The following C12orf56 variants were observed in gnomAD, a reference collection of about 807,000 sequenced individuals.
C12orf56 encodes chromosome 12 open reading frame 56.
Under a neutral mutation model 69.9 loss-of-function variants are expected in C12orf56, and 71 were observed. The ratio of observed to expected loss-of-function variants is 1.02; its 90% CI spans 0.84 to 1.24. The LOEUF is 1.24. Among genes scored for constraint, C12orf56 ranks in the 50% most tolerant of loss-of-function variants. The pLI, the probability that C12orf56 is intolerant of heterozygous loss-of-function variation, is 0.00. For synonymous variants in C12orf56, 276 were observed against 274.1 expected, an observed-to-expected ratio of 1.01 and a Z score of -0.07; for missense variants, 732 against 738.5, an observed-to-expected ratio of 0.99 and a Z score of 0.10.
At chr12:64,362,543 C>T (rs1228760720) in intron 1 of C12orf56, among the ~76,000 whole-genome samples, 2 of 152,008 alleles carry the variant, frequency 1.3e-5, no homozygotes, top group African/African-American at 4.8e-5. Flanking sequence ...AACACAAAAA[C>T]TAGCAAGGCA....
chr12:64,338,780 T>A, intron 2 of C12orf56: 1 of 1,348,682 alleles, frequency 7.4e-7, no homozygotes, highest in Non-Finnish European at 1.1e-6. Context: ...CATGTCAGCA[T>A]TGCTGAGAGC....
intron 1 of C12orf56, among the ~76,000 whole-genome samples, chr12:64,382,795 C>A (rs1357142631): frequency 6.6e-6 from 1 of 151,538 alleles, no homozygotes. Flanking sequence ...ATGGTGTGAA[C>A]CCGGGAGGCG....
At chr12:64,318,222 G>A (rs77584587) in intron 4 of C12orf56, among the ~76,000 whole-genome samples, 7 of 152,048 alleles carry the variant, frequency 4.6e-5, no homozygotes, top group East Asian at 3.9e-4. Flanking sequence ...CACCACATCC[G>A]GCTAATTTTT....
intron 6 of C12orf56, among the ~76,000 whole-genome samples, chr12:64,301,445 C>T (rs1177123579): frequency 2.0e-5 from 3 of 152,136 alleles, no homozygotes; most frequent in Non-Finnish European, 4.4e-5. Flanking sequence ...CCCAAACCTC[C>T]GTGATTTAGC....
At chr12:64,366,003 A>G (rs2039470054) in intron 1 of C12orf56, among the ~76,000 whole-genome samples, 1 of 127,248 alleles carries the variant, frequency 7.9e-6, no homozygotes, top group African/African-American at 3.1e-5. Context: ...AGTTTATATT[A>G]TTATATATAA....
intron 3 of C12orf56, among the ~76,000 whole-genome samples, chr12:64,327,153 C>T (rs565568468): frequency 6.6e-6 from 1 of 152,130 alleles, no homozygotes; most frequent in Non-Finnish European, 1.5e-5. Flanking sequence ...AACTCCTTGA[C>T]CTTGGCCTTC....
At chr12:64,371,095 G>A (rs1444755942) in intron 1 of C12orf56, among the ~76,000 whole-genome samples, 1 of 152,124 alleles carries the variant, frequency 6.6e-6, no homozygotes, top group Non-Finnish European at 1.5e-5. Context: ...TACACAACAA[G>A]GATATGTTGG....
intron 3 of C12orf56, among the ~76,000 whole-genome samples, chr12:64,322,959 G>A (rs553117179): frequency 5.9e-5 from 9 of 152,208 alleles, no homozygotes; most frequent in South Asian, 4.2e-4. Context: ...CTGATTTGTC[G>A]GCTGTGGTGA....
intron 6 of C12orf56, among the ~76,000 whole-genome samples, chr12:64,300,250 G>A (rs1032831088): frequency 2.6e-5 from 4 of 152,108 alleles, no homozygotes; most frequent in East Asian, 3.8e-4. Flanking sequence ...TACATGGCTC[G>A]ATCTTGTAGA....
intron 2 of C12orf56, chr12:64,338,382 C>A: frequency 4.4e-6 from 3 of 685,696 alleles, no homozygotes; most frequent in Non-Finnish European, 8.4e-6. Flanking sequence ...ACCTCCTGGT[C>A]AATTTGGACA....
chr12:64,367,794 G>A (rs548746375), intron 1 of C12orf56, among the ~76,000 whole-genome samples: 74 of 147,324 alleles, frequency 5.0e-4, no homozygotes, highest in Non-Finnish European at 9.5e-4. Context: ...ATGAGCCACC[G>A]TGCCAGGCAC....
intron 2 of C12orf56, among the ~76,000 whole-genome samples, chr12:64,341,736 A>G (rs969128641): frequency 2.0e-5 from 3 of 152,136 alleles, no homozygotes; most frequent in African/African-American, 7.2e-5. Flanking sequence ...CCTTTCCATG[A>G]TGGAAAAGGC....
intron 8 of C12orf56, among the ~76,000 whole-genome samples, chr12:64,279,492 C>T (rs1476881725): frequency 6.6e-6 from 1 of 152,142 alleles, no homozygotes; most frequent in Non-Finnish European, 1.5e-5. Context: ...AAAGATAGTA[C>T]TATACAAAAG....
At chr12:64,284,873 G>A in intron 7 of C12orf56, 120 bp from the exon 8 acceptor site, 1 of 691,964 alleles carries the variant, frequency 1.4e-6, no homozygotes. Context: ...AAAAAGTACA[G>A]GAAATAAATT....
At chr12:64,356,937 G>A (rs575692500) in intron 1 of C12orf56, among the ~76,000 whole-genome samples, 11 of 152,054 alleles carry the variant, frequency 7.2e-5, no homozygotes, top group Non-Finnish European at 1.3e-4. Flanking sequence ...ACCAGGCATT[G>A]TTTCTCAGGC....
chr12:64,352,806 A>G (rs1025776099), intron 2 of C12orf56, 88 bp downstream of exon 2: 1 of 1,245,192 alleles, frequency 8.0e-7, no homozygotes, highest in African/African-American at 1.6e-5. Flanking sequence ...CTGAACTAAG[A>G]AGCAAAATAT....
At position 64,360,014 on chromosome 12, in the gene C12orf56, G is replaced by T. The variant is rs537151545; in HGVS notation, c.253-6958C>A. Among the ~76,000 whole-genome samples the T allele has an allele frequency of 4.0e-4, 61 of 152,068 alleles. 1 individual carries two copies. The South Asian group carries it at 7.9e-3, about 20-fold the overall frequency. ...ACAGGAGTGAGCCACTGCGTCCAGC[G>T]AAAAGAATTTCTTTAAAGGGACAAA... On this transcript the variant is annotated intron_variant, in intron 1 of 12. Transcript: ENST00000543942.
intron 5 of C12orf56, among the ~76,000 whole-genome samples, chr12:64,308,889 G>GAAGAAAGGAAGA (rs1555188182): frequency 4.3e-5 from 3 of 69,330 alleles, no homozygotes; most frequent in African/African-American, 2.0e-4. Flanking sequence ...AAACAGAAAG[G>GAAGAAAGGAAGA]AAGAAAGAAA....
At chr12:64,376,080 C>A (rs1008080373) in intron 1 of C12orf56, among the ~76,000 whole-genome samples, 1 of 152,048 alleles carries the variant, frequency 6.6e-6, no homozygotes, top group Middle Eastern at 3.2e-3. Flanking sequence ...AAAACTGCAA[C>A]GCCTGCAGCC....
Sources: allele counts gnomAD v4.1 joint callset (sites outside exome capture counted in the v4.1 genomes callset), GRCh38; gene constraint gnomAD v4.1.1; transcripts MANE v1.5; gene names NCBI Gene and HGNC (gene_info 2026-07-23, HGNC 2026-07-21).